MUC5B: variants seen among roughly 807,000 people sequenced by gnomAD.
MUC5B encodes the protein mucin-5B.
MUC5B carries 116 observed loss-of-function variants against 376.9 expected under a neutral mutation model. That is an observed-to-expected ratio of 0.31 (90% CI 0.26 to 0.36). MUC5B has a LOEUF of 0.36. Among genes scored for constraint, MUC5B ranks in the 10% least tolerant of loss-of-function variants. The pLI is 1.00. For missense variants in MUC5B, 7,165 were observed against 7,769.9 expected (o/e 0.92, Z 2.93); for synonymous variants, 3,517 against 3,390.9 (o/e 1.04, Z -1.29).
At chr11:1,260,285 C>T (rs750052133) in intron 46 of MUC5B, 66 bp from the exon 47 acceptor site, 73 of 1,539,768 alleles carry the variant, frequency 4.7e-5, no homozygotes, top group Non-Finnish European at 6.3e-5. Context: ...GGCCCCTCCC[C>T]AGGAGGCCGC....
rs1002616167 is a variant in MUC5B at position 1,257,456 on chromosome 11, G to A, written c.16270-74G>A. On this transcript the variant is annotated intron_variant, in intron 40 of 48. Coordinates refer to ENST00000529681, the MANE Select transcript of MUC5B (RefSeq NM_002458.3). This position sits in a 1 kb window ranked among gnomAD's most constrained non-coding sequence, Gnocchi z 8.9. ...ACTCGGGTACCAGCCCGAGGGAGGG[G>A]GTGGCTGGACAGATGCCCAGGGTTG... 1 of 1,546,582 alleles carries A rather than the reference G, an allele frequency of 6.5e-7. No individual in the cohort carries two copies. Among genetic ancestry groups the A allele is most frequent in the African/African-American group, 1.4e-5 (1 of 73,700 alleles).
chr11:1,247,948 AC>A lies in MUC5B; in HGVS notation c.11070del (p.Trp3691GlyfsTer6). The A allele has an allele frequency of 6.2e-7, 1 of 1,610,808 alleles. No individual in the cohort carries two copies. Among genetic ancestry groups the A allele is most frequent in the African/African-American group, 1.3e-5 (1 of 74,778 alleles). On this transcript the variant is annotated frameshift_variant, in exon 31 of 49. Transcript: ENST00000529681. LOFTEE classifies it high-confidence loss of function. The part of the protein sequence containing the change: ...TATPSSTPGT[T>X]WILTKLTTTA... The stretch of plus-strand genomic sequence containing the variant: ...CACGCCCTCCTCAACTCCGGGGACG[AC>A]CTGGATCCTCACAAAGCTGACCACA...
chr11:1,246,911 G>C lies in MUC5B; in HGVS notation c.10031G>C (p.Gly3344Ala), dbSNP rs1564944698. 5 of 1,610,638 alleles carry C rather than the reference G, an allele frequency of 3.1e-6. No individual in the cohort carries two copies. The East Asian group carries it at 1.1e-4, about 36-fold the overall frequency. Residue 3344 changes from glycine (G) to alanine (A), a missense_variant, in exon 31 of 49, where the codon GGC (glycine) becomes GCC (alanine). Coordinates refer to ENST00000529681, the MANE Select transcript of MUC5B (RefSeq NM_002458.3). Reference sequence around the variant, plus strand: ...ACAACCACCACACCCACAACCAGAGGCTCCACGGTGACCCCCTCCTCCATC... The same window carrying C: ...ACAACCACCACACCCACAACCAGAGCCTCCACGGTGACCCCCTCCTCCATC... The part of the protein sequence containing the change: ...ISTTTTPTTR[G>A]STVTPSSIPG...
Position 1,248,067 on chromosome 11 carries a change from C to T in MUC5B, c.11187C>T (p.Ala3729=). ...TCCTCACAGAGCCGAGCACTACAGC[C>T]ACCGTGACGGTGCCCACCGGATCCA... is the stretch of plus-strand genomic sequence containing the variant. ...TWILTEPSTT[A]TVTVPTGSTA... is the part of the protein sequence containing the mutation. Residue 3729 remains alanine, a synonymous_variant, in exon 31 of 49, where the codon GCC becomes GCT. Transcript: ENST00000529681. 4 of 1,605,098 alleles carry T rather than the reference C, an allele frequency of 2.5e-6. No individual in the cohort carries two copies. The highest frequency in any genetic ancestry group is 2.5e-6 in the Non-Finnish European group (3 of 1,176,618).
chr11:1,253,941 G>T lies in MUC5B; in HGVS notation c.15218-151G>T, dbSNP rs2133848298. 9.3e-7 allele frequency: 1 copy of T among 1,077,024 alleles called. No individual in the cohort carries two copies. Among genetic ancestry groups the T allele is most frequent in the East Asian group, 2.6e-5 (1 of 38,486 alleles). The allele number at this position is 1,077,024 out of a possible 1,614,324, so 66.7% of individuals were successfully genotyped here. A position where few individuals can be genotyped will look rare whatever the true frequency, so the allele number is the denominator to read the frequency against. ...TTGGGGGACCCCATTCTACACACTGGACCCATTTTTATAGACGAGGCAGCT... is the reference window on the plus strand; with the variant it reads ...TTGGGGGACCCCATTCTACACACTGTACCCATTTTTATAGACGAGGCAGCT... On this transcript the variant is annotated intron_variant, in intron 33 of 48. Transcript: ENST00000529681. This position sits in a 1 kb window ranked among gnomAD's most constrained non-coding sequence, Gnocchi z 4.3.
chr11:1,240,472 G>A (rs1426163272), intron 30 of MUC5B, 97 bp downstream of exon 30: 17 of 1,170,202 alleles, frequency 1.5e-5, no homozygotes, highest in Non-Finnish European at 1.9e-5. Context: ...GGTAGCGACA[G>A]TCCCAATCCA....
In MUC5B at chr11:1,243,290, C is replaced by A; in HGVS notation, c.6410C>A (p.Ala2137Asp). 2.6e-6 allele frequency: 4 copies of A among 1,556,868 alleles called. No individual in the cohort carries two copies. Among genetic ancestry groups the A allele is most frequent in the Non-Finnish European group, 3.5e-6 (4 of 1,150,260 alleles). ...ACTCCCCCATCACTGACCACCACGG[C>A]CACTACGATCACGGCCACCGGCTCC... is the stretch of plus-strand genomic sequence containing the variant. ...SGTPPSLTTT[A>D]TTITATGSTT... Residue 2137 changes from alanine (A) to aspartate (D), a missense_variant, in exon 31 of 49, where the codon GCC (alanine) becomes GAC (aspartate). Ala to Asp is a moderately radical substitution (Grantham distance 126, BLOSUM62 -2). Coordinates refer to ENST00000529681, the MANE Select transcript of MUC5B (RefSeq NM_002458.3).
rs201195475 is a variant in MUC5B at position 1,248,094 on chromosome 11, G to A, written c.11214G>A (p.Thr3738=). Residue 3738 remains threonine (T), a synonymous_variant, in exon 31 of 49, where the codon ACG becomes ACA. Coordinates refer to ENST00000529681, the MANE Select transcript of MUC5B (RefSeq NM_002458.3). ...TATVTVPTGS[T]ATASSTQATA... Reference sequence around the variant, plus strand: ...CCGTGACGGTGCCCACCGGATCCACGGCCACCGCCTCCTCCACCCAGGCAA... The same window carrying A: ...CCGTGACGGTGCCCACCGGATCCACAGCCACCGCCTCCTCCACCCAGGCAA... 4.8e-4 allele frequency: 773 copies of A among 1,598,842 alleles called. 12 individuals carry two copies. The East Asian group carries it at 0.014, about 29-fold the overall frequency.
chr11:1,226,251 C>T lies in MUC5B; in HGVS notation c.174C>T (p.Pro58=), dbSNP rs1313287615. 3.9e-6 allele frequency: 6 copies of T among 1,557,054 alleles called. No individual in the cohort carries two copies. Among genetic ancestry groups the T allele is most frequent in the East Asian group, 2.4e-5 (1 of 41,164 alleles). Residue 58 remains proline, a synonymous_variant, in exon 3 of 49, where the codon CCC becomes CCT. Transcript: ENST00000529681. ...SPTRRVSFVP[P]VTVFPSLSPL... The stretch of plus-strand genomic sequence containing the variant: ...CCCGGCGCGTGAGCTTTGTTCCACC[C>T]GTCACTGTCTTCCCCAGCCTGAGCC...
rs1188542629 is a variant in MUC5B at position 1,255,264 on chromosome 11, C to A, written c.15888C>A (p.Ser5296Arg). Residue 5296 changes from serine (S) to arginine (R), a missense_variant and splice_region_variant, in exon 36 of 49, where the codon AGC (serine) becomes AGA (arginine). Ser to Arg is a moderately radical substitution (Grantham distance 110). This residue lies in a region of MUC5B where 842 missense variants were observed against 1,016.9 expected (regional missense o/e 0.83). Transcript: ENST00000529681. ...AGCCGCTCTGTGATCTGATGCTGAG[C>A]CAGTGAGTCCTCCCCTCGGGGGTTG... ...PPQPLCDLML[S>R]QVFAECHNLV... 6.6e-7 allele frequency: 1 copy of A among 1,515,444 alleles called. No individual in the cohort carries two copies. The highest frequency in any genetic ancestry group is 2.0e-5 in the Admixed American group (1 of 49,290). The allele number at this position is 1,515,444 out of a possible 1,614,324, so 93.9% of individuals were successfully genotyped here. A position where few individuals can be genotyped will look rare whatever the true frequency, so the allele number is the denominator to read the frequency against.
chr11:1,260,144 C>A, intron 46 of MUC5B, 59 bp downstream of exon 46: 1 of 1,590,890 alleles, frequency 6.3e-7, no homozygotes, highest in South Asian at 1.1e-5. Context: ...GAGGCCCAAC[C>A]CCTGTCTGGG....
chr11:1,260,159 C>T (rs1291041694), intron 46 of MUC5B, 74 bp downstream of exon 46: 1 of 1,564,976 alleles, frequency 6.4e-7, no homozygotes. Flanking sequence ...TCTGGGATGC[C>T]CTGCACAGCA....
Position 1,249,660 on chromosome 11 carries a change from T to C in MUC5B, c.12780T>C (p.Thr4260=), listed in dbSNP as rs61760238. 3.1e-6 allele frequency: 5 copies of C among 1,609,724 alleles called. No individual in the cohort carries two copies. Among genetic ancestry groups the C allele is most frequent in the Middle Eastern group, 1.7e-4 (1 of 6,056 alleles). Residue 4260 remains threonine, a synonymous_variant, in exon 31 of 49, where the codon ACT becomes ACC. Coordinates refer to ENST00000529681, the MANE Select transcript of MUC5B (RefSeq NM_002458.3). ...LTELTTTATT[T]ASTGSTATPS... Reference sequence around the variant, plus strand: ...AGCTGACCACAACAGCCACTACGACTGCATCCACTGGATCCACGGCCACCC... The same window carrying C: ...AGCTGACCACAACAGCCACTACGACCGCATCCACTGGATCCACGGCCACCC...
Position 1,251,573 on chromosome 11 carries a change from C to G in MUC5B, c.14693C>G (p.Ser4898Cys). ...ACTGCCTCCACGGTTCCCAGCTCGT[C>G]CACCGTGGGGACCACCCGCACCCCT... is the stretch of plus-strand genomic sequence containing the variant. The part of the protein sequence containing the change: ...TATASTVPSS[S>C]TVGTTRTPAV... Residue 4898 changes from serine to cysteine, a missense_variant, in exon 31 of 49, where the codon TCC (serine) becomes TGC (cysteine). Physicochemically the swap from Ser to Cys is moderately radical, Grantham distance 112. Transcript: ENST00000529681. The G allele has an allele frequency of 6.2e-7, 1 of 1,612,922 alleles. No individual in the cohort carries two copies. Among genetic ancestry groups the G allele is most frequent in the Non-Finnish European group, 8.5e-7 (1 of 1,179,798 alleles).
rs1862876289 is a variant in MUC5B at position 1,257,631 on chromosome 11, C to T, written c.16371C>T (p.Pro5457=). 6.2e-7 allele frequency: 1 copy of T among 1,600,614 alleles called. No individual in the cohort carries two copies. The highest frequency in any genetic ancestry group is 1.3e-5 in the African/African-American group (1 of 75,006). Residue 5457 remains proline (P), a synonymous_variant, in exon 41 of 49, where the codon CCC becomes CCT. Transcript: ENST00000529681. The surrounding 1 kb of genome is among the most constrained non-coding windows in gnomAD (Gnocchi z 8.9). ...TGCCCTGTGACGCCCAGGGTCAGCC[C>T]CCGCCGTGCAACCGTCCCGGCTTCG... ...KPLPCDAQGQ[P]PPCNRPGFVT...
In MUC5B at chr11:1,255,122, C is replaced by T. The variant is rs761138559; in HGVS notation, c.15746C>T (p.Thr5249Met). ...TAASCKDMAK[T>M]WLVPDSRKDG... ...GCCAGTTGCAAGGACATGGCCAAGACGTGGCTGGTCCCCGACAGCAGAAAG... is the reference window on the plus strand; with the variant it reads ...GCCAGTTGCAAGGACATGGCCAAGATGTGGCTGGTCCCCGACAGCAGAAAG... Residue 5249 changes from threonine to methionine, a missense_variant, in exon 36 of 49, where the codon ACG (threonine) becomes ATG (methionine). By Grantham distance (81) the Thr-to-Met change is moderately conservative (BLOSUM62 -1). Around this residue, in one of 31 missense-constraint regions of MUC5B, gnomAD observed 842 missense variants for 1,016.9 expected, o/e 0.83. Transcript: ENST00000529681. 3.0e-5 allele frequency: 48 copies of T among 1,581,788 alleles called. No individual in the cohort carries two copies. The highest frequency in any genetic ancestry group is 1.5e-4 in the South Asian group (13 of 86,450).
At chr11:1,230,370 G>T in intron 11 of MUC5B, 120 bp from the exon 12 acceptor site, 1 of 1,137,478 alleles carries the variant, frequency 8.8e-7, no homozygotes, top group Non-Finnish European at 1.2e-6. Context: ...GTGACCAGAG[G>T]TGCCAAGGAC....
rs1862159245 is a variant in MUC5B at position 1,236,444 on chromosome 11, G to A, written c.2939G>A (p.Gly980Glu). The change falls in exon 24 of 49, where the codon GGG (glycine) becomes GAG (glutamate). Residue 980 changes from glycine to glutamate, a missense_variant. Gly to Glu is a moderately conservative substitution (Grantham distance 98). Around this residue, in one of 31 missense-constraint regions of MUC5B, gnomAD observed 530 missense variants for 604.0 expected, o/e 0.88. Coordinates refer to ENST00000529681, the MANE Select transcript of MUC5B (RefSeq NM_002458.3). ...AAGGCGGTGGCGAGAGGGCCGGGTG[G>A]GGACCCACCCTACAAGATACGCTAC... ...TFKAVARGPGGDPPYKIRYMG... is the reference protein window; with the variant it reads ...TFKAVARGPGEDPPYKIRYMG... 13 of 1,612,818 alleles carry A rather than the reference G, an allele frequency of 8.1e-6. No homozygotes were observed. Among genetic ancestry groups the A allele is most frequent in the Non-Finnish European group, 1.1e-5 (13 of 1,179,782 alleles).
Position 1,229,151 on chromosome 11 carries a change from C to T in MUC5B, c.977-19C>T. On this transcript the variant is annotated intron_variant, in intron 8 of 48. Transcript: ENST00000529681. ...TACAGGGCCCTTCCCCTGGCCCAGC[C>T]CCACCTCCTTTTGCGCAGCCCGGAC... 1 of 1,566,822 alleles carries T rather than the reference C, an allele frequency of 6.4e-7. No homozygotes were observed. The highest frequency in any genetic ancestry group is 8.6e-7 in the Non-Finnish European group (1 of 1,161,622).
Sources: allele counts gnomAD v4.1 joint callset, GRCh38; gene constraint gnomAD v4.1.1; regional missense constraint gnomAD v4.1.1; non-coding constraint Gnocchi (gnomAD v3.1); transcripts MANE v1.5; gene names NCBI Gene and HGNC (gene_info 2026-07-23, HGNC 2026-07-21).